Variants in KIAA1671 observed in about 807,000 individuals in gnomAD.
KIAA1671 encodes the protein KIAA1671.
A neutral mutation model predicts 131.2 loss-of-function variants in KIAA1671; 52 were observed. The ratio of observed to expected loss-of-function variants is 0.40; its 90% CI spans 0.32 to 0.50. The LOEUF is 0.50. Ranked by LOEUF, KIAA1671 falls within the 20% of genes least tolerant of loss-of-function variation. The pLI, the probability that KIAA1671 is intolerant of heterozygous loss-of-function variation, is 0.73. For synonymous variants in KIAA1671, 1,003 were observed against 961.6 expected (o/e 1.04, Z -0.80); for missense variants, 2,360 against 2,364.2 (o/e 1.00, Z 0.04).
chr22:25,108,218 G>GTT (rs1488610007), intron 6 of KIAA1671, among the ~76,000 whole-genome samples: 1 of 152,142 alleles, frequency 6.6e-6, no homozygotes, highest in African/African-American at 2.4e-5. Context: ...TTTTAAAGGT[G>GTT]TTTTACTTTC....
chr22:25,105,731 C>T (rs1431746511), intron 6 of KIAA1671, among the ~76,000 whole-genome samples: 1 of 151,028 alleles, frequency 6.6e-6, no homozygotes, highest in Non-Finnish European at 1.5e-5. Context: ...TCCCACCTGC[C>T]ATTTGGTCTC....
intron 6 of KIAA1671, among the ~76,000 whole-genome samples, chr22:25,147,049 A>G (rs1932891769): frequency 6.6e-6 from 1 of 152,170 alleles, no homozygotes; most frequent in Non-Finnish European, 1.5e-5. Flanking sequence ...ATTTAGGGAA[A>G]TGAGAGAGGG....
In KIAA1671 at chr22:24,979,358, A is replaced by ATTTAT. The variant is rs1555949465; in HGVS notation, c.-208+26589_-208+26590insATTTT. 4.0e-5 allele frequency among the ~76,000 whole-genome samples: 5 copies of ATTTAT among 125,330 alleles called. 1 individual carries two copies. The South Asian group carries it at 1.0e-3, about 25-fold the overall frequency. The allele number at this position is 125,330 out of a possible 152,430, so 82.2% of individuals were successfully genotyped here. On this transcript the variant is annotated intron_variant, in intron 1 of 12. Transcript: ENST00000358431. ...ATTTTATTTATTTATTTATTTATTT[A>ATTTAT]TTTTTTTTTGAGACGGAGTCTCGCT...
rs1436416586 is a variant in KIAA1671 at position 24,990,544 on chromosome 22, C to T, written c.-207-35089C>T. Among the ~76,000 whole-genome samples the T allele has an allele frequency of 2.0e-5, 3 of 152,242 alleles. No homozygotes were observed. In the East Asian group the frequency reaches 5.8e-4, roughly 29 times the overall value. Reference sequence around the variant, plus strand: ...CACACACATGTGCCTGCCCAATGTGCGCCCACGCCAGCAGCAGCCCTGGGT... The same window carrying T: ...CACACACATGTGCCTGCCCAATGTGTGCCCACGCCAGCAGCAGCCCTGGGT... On this transcript the variant is annotated intron_variant, in intron 1 of 12. Coordinates refer to ENST00000358431, the MANE Select transcript of KIAA1671 (RefSeq NM_001145206.2).
Position 25,181,824 on chromosome 22 carries a change from G to A in KIAA1671, c.5199+1G>A, listed in dbSNP as rs1934287041. The A allele has an allele frequency of 6.4e-7, 1 of 1,550,874 alleles. No homozygotes were observed. On this transcript the variant is annotated splice_donor_variant, in intron 10 of 12. Coordinates refer to ENST00000358431, the MANE Select transcript of KIAA1671 (RefSeq NM_001145206.2). LOFTEE classifies it high-confidence loss of function. ...AGGCATGGATCCGGCAGTGCTAAAGGTACCAGACCTCTCACCAAGAGTCAC... is the reference window on the plus strand; with the variant it reads ...AGGCATGGATCCGGCAGTGCTAAAGATACCAGACCTCTCACCAAGAGTCAC...
chr22:25,039,472 A>G lies in KIAA1671; in HGVS notation c.2342A>G (p.Asp781Gly), dbSNP rs1926795234. 1 of 1,551,772 alleles carries G rather than the reference A, an allele frequency of 6.4e-7. No homozygotes were observed. The highest frequency in any genetic ancestry group is 8.7e-7 in the Non-Finnish European group (1 of 1,147,012). Reference sequence around the variant, plus strand: ...CTGTCCCAGGAGGTCACCCCTGCTGACCTGGAGTGTGGTTTGGAAGGTCAG... The same window carrying G: ...CTGTCCCAGGAGGTCACCCCTGCTGGCCTGGAGTGTGGTTTGGAAGGTCAG... ...RQLSQEVTPA[D>G]LECGLEGQAG... is the part of the protein sequence containing the mutation. The change falls in exon 5 of 13, where the codon GAC (aspartate) becomes GGC (glycine). Residue 781 changes from aspartate (D) to glycine (G), a missense_variant. This residue lies in a region of KIAA1671 where 1,185 missense variants were observed against 1,126.2 expected (regional missense o/e 1.05). Coordinates refer to ENST00000358431, the MANE Select transcript of KIAA1671 (RefSeq NM_001145206.2).
At position 25,028,170 on chromosome 22, in the gene KIAA1671, G is replaced by T; in HGVS notation, c.171G>T (p.Pro57=). The T allele has an allele frequency of 6.5e-7, 1 of 1,550,104 alleles. No individual in the cohort carries two copies. Among genetic ancestry groups the T allele is most frequent in the Non-Finnish European group, 8.7e-7 (1 of 1,146,050 alleles). ...AAGCGAAGAGCCCCCTGCGGAGCCC[G>T]GCCCGGTTACTCCCTCTGCCAAGGC... ...ILEAKSPLRS[P]ARLLPLPRLA... The change falls in exon 3 of 13, where the codon CCG becomes CCT. Residue 57 remains proline (P), a synonymous_variant. Coordinates refer to ENST00000358431, the MANE Select transcript of KIAA1671 (RefSeq NM_001145206.2).
chr22:25,062,605 T>TA (rs1928218929), intron 6 of KIAA1671: 1 of 152,456 alleles, frequency 6.6e-6, no homozygotes, highest in African/African-American at 2.4e-5. Context: ...GCATTTTTTT[T>TA]ACGCATCTGC....
chr22:25,115,152 G>A (rs1601328274), intron 6 of KIAA1671, among the ~76,000 whole-genome samples: 1 of 152,224 alleles, frequency 6.6e-6, no homozygotes, highest in East Asian at 1.9e-4. Context: ...AAGGCAGGAA[G>A]AGGCACGTTT....
intron 6 of KIAA1671, chr22:25,057,509 G>C (rs1395244435): frequency 6.7e-6 from 1 of 149,332 alleles, no homozygotes; most frequent in Non-Finnish European, 1.5e-5. Context: ...CCTCACTGTT[G>C]GAAGGAGACC....
chr22:25,060,934 A>G (rs769248069), intron 6 of KIAA1671: 1 of 152,192 alleles, frequency 6.6e-6, no homozygotes, highest in Non-Finnish European at 1.5e-5. Context: ...CATGCAGCCC[A>G]CTAATTTCGG....
At chr22:24,974,729 G>T (rs1922826658) in intron 1 of KIAA1671, among the ~76,000 whole-genome samples, 1 of 107,692 alleles carries the variant, frequency 9.3e-6, no homozygotes, top group Non-Finnish European at 1.7e-5. Context: ...GTCTTGCTCT[G>T]TTGCCCAGGC....
At chr22:25,091,578 T>G (rs994432777) in intron 6 of KIAA1671, among the ~76,000 whole-genome samples, 5 of 152,226 alleles carry the variant, frequency 3.3e-5, no homozygotes, top group Admixed American at 2.0e-4. Context: ...GATAGAAATC[T>G]GAACATTTCC....
In KIAA1671 at chr22:25,020,137, T is replaced by C. The variant is rs1218377507; in HGVS notation, c.-207-5496T>C. Among the ~76,000 whole-genome samples, 4 of 152,060 alleles carry C rather than the reference T, an allele frequency of 2.6e-5. 1 individual carries two copies. The highest frequency in any genetic ancestry group is 9.7e-5 in the African/African-American group (4 of 41,394). On this transcript the variant is annotated intron_variant, in intron 1 of 12. Coordinates refer to ENST00000358431, the MANE Select transcript of KIAA1671 (RefSeq NM_001145206.2). The stretch of plus-strand genomic sequence containing the variant: ...TGAGGGGAAAATATTTGATTTGGAG[T>C]CAGAAGACCTGGATTCCAACCCCAC...
chr22:25,062,798 C>G (rs1364513166), intron 6 of KIAA1671: 1 of 136,230 alleles, frequency 7.3e-6, no homozygotes. Flanking sequence ...TTGCTGTTCC[C>G]CCCCTCCCAA....
intron 6 of KIAA1671, among the ~76,000 whole-genome samples, chr22:25,109,477 A>G (rs560700670): frequency 2.0e-4 from 31 of 152,190 alleles, no homozygotes; most frequent in African/African-American, 7.2e-4. Context: ...TGCTAACCAC[A>G]CGGACCAACC....
intron 6 of KIAA1671, among the ~76,000 whole-genome samples, chr22:25,142,240 G>A (rs1932817115): frequency 6.6e-6 from 1 of 152,196 alleles, no homozygotes; most frequent in Non-Finnish European, 1.5e-5. Context: ...CATCCTGGTT[G>A]ATACTCTTAA....
intron 6 of KIAA1671, among the ~76,000 whole-genome samples, chr22:25,128,873 G>A (rs1205094558): frequency 6.6e-6 from 1 of 152,196 alleles, no homozygotes; most frequent in Non-Finnish European, 1.5e-5. Context: ...TTTGGATTCC[G>A]TCCTTGGCTC....
intron 9 of KIAA1671, chr22:25,179,541 C>G: frequency 6.3e-7 from 1 of 1,587,900 alleles, no homozygotes. Context: ...TGCTTCAGCA[C>G]CTGCGCCTCC....
Sources: gnomAD v4.1 joint callset for allele counts (sites outside exome capture counted in the v4.1 genomes callset) on GRCh38, gnomAD v4.1.1 for gene constraint, gnomAD v4.1.1 regional missense constraint, MANE v1.5 for transcripts, NCBI Gene and HGNC (gene_info 2026-07-23, HGNC 2026-07-21) for gene names.